Variants in DEPTOR observed in about 807,000 individuals in gnomAD.
DEPTOR encodes DEP domain-containing mTOR-interacting protein.
DEPTOR carries 41 observed loss-of-function variants against 41.6 expected under a neutral mutation model. That is an observed-to-expected ratio of 0.98 (90% CI 0.77 to 1.28). The LOEUF is 1.28. DEPTOR is among the 50% of genes most tolerant of loss of function. DEPTOR has a pLI of 0.00. For missense variants in DEPTOR, 514 were observed against 527.9 expected (o/e 0.97, Z 0.26); for synonymous variants, 195 against 192.3 (o/e 1.01, Z -0.12).
intron 3 of DEPTOR, among the ~76,000 whole-genome samples, chr8:119,937,892 A>G (rs1342352967): frequency 1.3e-5 from 2 of 152,234 alleles, no homozygotes; most frequent in African/African-American, 2.4e-5. Context: ...TGAATATTTT[A>G]TAATGGTCTT....
intron 3 of DEPTOR, among the ~76,000 whole-genome samples, chr8:119,956,561 A>G (rs752519998): frequency 1.3e-5 from 2 of 152,122 alleles, no homozygotes; most frequent in African/African-American, 2.4e-5. Flanking sequence ...CATTCCCTGA[A>G]AGGAAATTCA....
intron 3 of DEPTOR, among the ~76,000 whole-genome samples, chr8:119,943,891 G>A (rs1318072944): frequency 6.6e-6 from 1 of 152,084 alleles, no homozygotes; most frequent in Non-Finnish European, 1.5e-5. Context: ...AGGCTGGAGT[G>A]CAGTGGCTCA....
At position 120,001,641 on chromosome 8, in the gene DEPTOR, A is replaced by G. The variant is rs1242319978; in HGVS notation, c.721A>G (p.Thr241Ala). 5.6e-6 allele frequency: 9 copies of G among 1,613,946 alleles called. No individual in the cohort carries two copies. Among genetic ancestry groups the G allele is most frequent in the Non-Finnish European group, 7.6e-6 (9 of 1,179,972 alleles). The change falls in exon 5 of 9, where the codon ACT becomes GCT. Residue 241 changes from threonine (T) to alanine (A), a missense_variant. By Grantham distance (58) the Thr-to-Ala change is moderately conservative (BLOSUM62 0). Coordinates refer to ENST00000286234, the MANE Select transcript of DEPTOR (RefSeq NM_022783.4). ...TGAAAAGTCCCCCTCCTCCCAGGAA[A>G]CTCATGACAGTCCCTTCTGCCTGAG... ...LNEKSPSSQETHDSPFCLRKQ... is the reference protein window; with the variant it reads ...LNEKSPSSQEAHDSPFCLRKQ...
At chr8:119,937,735 C>A (rs1828132607) in intron 3 of DEPTOR, among the ~76,000 whole-genome samples, 1 of 152,168 alleles carries the variant, frequency 6.6e-6, no homozygotes. Context: ...TCATTACTCT[C>A]AGGAAGAGCA....
intron 1 of DEPTOR, among the ~76,000 whole-genome samples, chr8:119,927,533 G>T (rs1827977840): frequency 6.7e-6 from 1 of 149,412 alleles, no homozygotes; most frequent in Non-Finnish European, 1.5e-5. Context: ...CTTTATGATG[G>T]CAAGATTGGC....
intron 1 of DEPTOR, among the ~76,000 whole-genome samples, chr8:119,899,404 C>T (rs781092924): frequency 6.6e-6 from 1 of 152,184 alleles, no homozygotes; most frequent in Non-Finnish European, 1.5e-5. Flanking sequence ...CTTCTTTAAG[C>T]GGGAAAAGTT....
rs1275042487 is a variant in DEPTOR at position 120,002,996 on chromosome 8, C to T, written c.810C>T (p.Ile270=). Residue 270 remains isoleucine, a synonymous_variant, in exon 6 of 9, where the codon ATC becomes ATT. Coordinates refer to ENST00000286234, the MANE Select transcript of DEPTOR (RefSeq NM_022783.4). ...SFMSVSPSKE[I]KIVSAVRRSS... is the part of the protein sequence containing the mutation. ...ACACAGTGAGCCCCAGCAAGGAGAT[C>T]AAGATCGTGTCTGCAGTGAGGAGAA... 3 of 1,580,082 alleles carry T rather than the reference C, an allele frequency of 1.9e-6. No individual in the cohort carries two copies. Among genetic ancestry groups the T allele is most frequent in the African/African-American group, 1.4e-5 (1 of 73,736 alleles).
chr8:119,989,476 TG>T (rs1412451848), intron 4 of DEPTOR, among the ~76,000 whole-genome samples: 1 of 152,120 alleles, frequency 6.6e-6, no homozygotes, highest in Non-Finnish European at 1.5e-5. Context: ...GGTTCAGGGG[TG>T]AGACCTGGAG....
At chr8:119,905,065 C>T (rs1586607963) in intron 1 of DEPTOR, among the ~76,000 whole-genome samples, 1 of 150,702 alleles carries the variant, frequency 6.6e-6, no homozygotes, top group East Asian at 1.9e-4. Context: ...GCCTTGGCCT[C>T]CCAAAGTGCT....
chr8:119,991,098 T>TAAAA (rs1563584724), intron 4 of DEPTOR, among the ~76,000 whole-genome samples: 1 of 107,952 alleles, frequency 9.3e-6, no homozygotes, highest in African/African-American at 3.4e-5. Context: ...TTTTCTTTCT[T>TAAAA]TCTTTCTTTC....
At chr8:119,931,159 C>T (rs1029209777) in intron 3 of DEPTOR, among the ~76,000 whole-genome samples, 2 of 152,030 alleles carry the variant, frequency 1.3e-5, no homozygotes, top group East Asian at 1.9e-4. Context: ...TGCAGTGAGC[C>T]GGGATCACGT....
intron 6 of DEPTOR, 133 bp from the exon 7 acceptor site, chr8:120,006,672 T>C (rs1812443090): frequency 1.5e-6 from 1 of 676,150 alleles, no homozygotes; most frequent in Non-Finnish European, 2.6e-6. Flanking sequence ...AGCTAAAATA[T>C]AAACTGTGAG....
chr8:119,941,373 CAAAAAAAAAAA>C (rs749120675), intron 3 of DEPTOR, among the ~76,000 whole-genome samples: 4 of 39,964 alleles, frequency 1.0e-4, no homozygotes, highest in East Asian at 8.4e-4. Context: ...ATCTCCATCT[CAAAAAAAAAAA>C]AAAAAAAAAA....
intron 8 of DEPTOR, among the ~76,000 whole-genome samples, chr8:120,021,694 A>G (rs1299206797): frequency 6.6e-6 from 1 of 152,174 alleles, no homozygotes; most frequent in East Asian, 1.9e-4. Flanking sequence ...TAGAAAAACT[A>G]AGTCTAGGTT....
chr8:119,881,678 G>A (rs1348506540), intron 1 of DEPTOR, among the ~76,000 whole-genome samples: 1 of 152,010 alleles, frequency 6.6e-6, no homozygotes, highest in Non-Finnish European at 1.5e-5. Context: ...GGAACTTTAC[G>A]GTTGGTATAA....
intron 8 of DEPTOR, among the ~76,000 whole-genome samples, chr8:120,020,361 G>A (rs916547028): frequency 2.0e-5 from 3 of 152,068 alleles, no homozygotes; most frequent in Non-Finnish European, 4.4e-5. Flanking sequence ...GATTACAGGC[G>A]AGAGACACCA....
At chr8:119,929,709 G>A (rs1356161379) in intron 2 of DEPTOR, 106 bp from the exon 3 acceptor site, 1 of 1,443,818 alleles carries the variant, frequency 6.9e-7, no homozygotes, top group Admixed American at 2.1e-5. Flanking sequence ...CATGCATGAA[G>A]AATGTGATAG....
Position 120,050,095 on chromosome 8 carries a change from G to C in DEPTOR, c.*391G>C, listed in dbSNP as rs956544779. On this transcript the variant is annotated 3_prime_UTR_variant, in exon 9 of 9. Transcript: ENST00000286234. ...GAGTAGTTGTTAAAGGTTTTAAATT[G>C]TACTTTCTCCAAAATTAGCATGCAG... 7.8e-5 allele frequency: 12 copies of C among 154,762 alleles called. No homozygotes were observed. Among genetic ancestry groups the C allele is most frequent in the Non-Finnish European group, 1.4e-4 (10 of 69,826 alleles). 9.6% of individuals were successfully genotyped at this position (154,762 alleles called of 1,614,324 possible).
chr8:119,965,333 A>G lies in DEPTOR; in HGVS notation c.527A>G (p.Gln176Arg), dbSNP rs920373485. 33 of 1,613,984 alleles carry G rather than the reference A, an allele frequency of 2.0e-5. No homozygotes were observed. Among genetic ancestry groups the G allele is most frequent in the African/African-American group, 2.7e-5 (2 of 74,924 alleles). The change falls in exon 4 of 9, where the codon CAG becomes CGG. Residue 176 changes from glutamine (Q) to arginine (R), a missense_variant. Gln to Arg is a conservative substitution (Grantham distance 43, BLOSUM62 1). Transcript: ENST00000286234. ...TCTGAATTCCTGGACTGGCTGGTTC[A>G]GGAAGGTGAGGCCACCACGAGGAAA... is the stretch of plus-strand genomic sequence containing the variant. ...MASEFLDWLV[Q>R]EGEATTRKEA...
Sources: allele counts gnomAD v4.1 joint callset (sites outside exome capture counted in the v4.1 genomes callset), GRCh38; gene constraint gnomAD v4.1.1; transcripts MANE v1.5; gene names NCBI Gene and HGNC (gene_info 2026-07-23, HGNC 2026-07-21).